PDE1A: variants seen among roughly 807,000 people sequenced by gnomAD.
The protein encoded by PDE1A is dual specificity calcium/calmodulin-dependent 3',5'-cyclic nucleotide phosphodiesterase 1A.
PDE1A carries 35 observed loss-of-function variants against 61.7 expected under a neutral mutation model. The observed-to-expected ratio is 0.57, with a 90% CI of 0.43 to 0.75. The LOEUF is 0.75. Among genes scored for constraint, PDE1A ranks in the 30% least tolerant of loss-of-function variants. The probability of loss-of-function intolerance (pLI) is 0.00; values close to 1 mark genes in which losing one functional copy is unlikely to be tolerated. For synonymous variants in PDE1A, 232 were observed against 213.2 expected, an observed-to-expected ratio of 1.09 and a Z score of -0.77; for missense variants, 597 against 630.6, an observed-to-expected ratio of 0.95 and a Z score of 0.57.
the PDE1A span, among the ~76,000 whole-genome samples, chr2:182,555,024 T>C: frequency 6.6e-6 from 1 of 152,200 alleles, no homozygotes; most frequent in Non-Finnish European, 1.5e-5. Context: ...GTCAGTAATA[T>C]CTGTCTCATA....
chr2:182,422,686 A>C (rs1703356524), intron 1 of PDE1A, among the ~76,000 whole-genome samples: 1 of 152,166 alleles, frequency 6.6e-6, no homozygotes, highest in African/African-American at 2.4e-5. Context: ...TTAATATTAA[A>C]ACACAAATTA....
chr2:182,597,889 A>G, the PDE1A span, among the ~76,000 whole-genome samples: 2 of 152,222 alleles, frequency 1.3e-5, no homozygotes, highest in Non-Finnish European at 2.9e-5. Context: ...ACTTCTCAAA[A>G]GGCACTGAGG....
At chr2:182,222,041 AAT>A (rs1051453190) in intron 7 of PDE1A, among the ~76,000 whole-genome samples, 4 of 151,842 alleles carry the variant, frequency 2.6e-5, no homozygotes, top group Non-Finnish European at 4.4e-5. Context: ...AGTTGTTAAA[AAT>A]ATATATATAT....
At chr2:182,500,445 A>T (rs1182795568) in intron 2 of PDE1A, among the ~76,000 whole-genome samples, 3 of 147,714 alleles carry the variant, frequency 2.0e-5, no homozygotes, top group African/African-American at 5.0e-5. Flanking sequence ...ATTATTATTT[A>T]AAAATAAGGA....
chr2:182,632,348 C>T, the PDE1A span, among the ~76,000 whole-genome samples: 1 of 152,102 alleles, frequency 6.6e-6, no homozygotes, highest in African/African-American at 2.4e-5. Flanking sequence ...TACAATCGTT[C>T]TATGTAAGAT....
At chr2:182,428,038 C>T (rs940888766), upstream of PDE1A, among the ~76,000 whole-genome samples, 10 of 152,188 alleles carry the variant, frequency 6.6e-5, no homozygotes, top group Middle Eastern at 6.8e-3. Context: ...TTTTATTTTC[C>T]TCCCTGAGGA....
chr2:182,350,842 C>G (rs1378412482), intron 1 of PDE1A, among the ~76,000 whole-genome samples: 1 of 152,168 alleles, frequency 6.6e-6, no homozygotes, highest in Non-Finnish European at 1.5e-5. Flanking sequence ...ACCCTAGCTA[C>G]TACCAATATC....
the PDE1A span, among the ~76,000 whole-genome samples, chr2:182,689,055 G>A: frequency 2.0e-5 from 3 of 152,186 alleles, no homozygotes; most frequent in African/African-American, 7.2e-5. Context: ...ACAAAGAGAC[G>A]TAGACTCCCA....
intron 1 of PDE1A, among the ~76,000 whole-genome samples, chr2:182,416,874 G>A (rs887493759): frequency 1.3e-5 from 2 of 152,178 alleles, no homozygotes; most frequent in Non-Finnish European, 2.9e-5. Context: ...GGAAATTAGT[G>A]TGACTGGAAG....
chr2:182,701,218 G>A, the PDE1A span, among the ~76,000 whole-genome samples: 1 of 150,676 alleles, frequency 6.6e-6, no homozygotes, highest in African/African-American at 2.4e-5. Context: ...TGTATTTTTA[G>A]TAAAGACGGG....
At chr2:182,522,582 C>T in intron 1 of PDE1A, 2 of 1,373,950 alleles carry the variant, frequency 1.5e-6, no homozygotes, top group Admixed American at 5.8e-5. Flanking sequence ...CTCACCACCC[C>T]CCTAAGCAGA....
At chr2:182,360,838 T>C (rs1216698653) in intron 1 of PDE1A, among the ~76,000 whole-genome samples, 1 of 152,010 alleles carries the variant, frequency 6.6e-6, no homozygotes. Flanking sequence ...TGACAAGTTT[T>C]AAAATATTAC....
intron 1 of PDE1A, 143 bp from the exon 2 acceptor site, chr2:182,264,557 T>C (rs1297485566): frequency 2.4e-5 from 14 of 583,150 alleles, no homozygotes; most frequent in Non-Finnish European, 4.2e-5. Context: ...TTTCAGATTT[T>C]TTTTTGATAT....
At chr2:182,501,210 A>T (rs571721672) in intron 2 of PDE1A, among the ~76,000 whole-genome samples, 2 of 152,320 alleles carry the variant, frequency 1.3e-5, no homozygotes, top group African/African-American at 4.8e-5. Context: ...TCTGGTTAAT[A>T]ACATATTTCA....
intron 1 of PDE1A, among the ~76,000 whole-genome samples, chr2:182,300,255 A>G (rs1296950548): frequency 6.6e-6 from 1 of 152,238 alleles, no homozygotes; most frequent in East Asian, 1.9e-4. Flanking sequence ...CTGAGAAAAT[A>G]TAAATAAGCT....
intron 13 of PDE1A, among the ~76,000 whole-genome samples, chr2:182,179,413 T>A (rs1369990027): frequency 6.6e-6 from 1 of 152,200 alleles, no homozygotes; most frequent in Non-Finnish European, 1.5e-5. Context: ...GTTCCATTTA[T>A]ATTGTTTTAA....
At chr2:182,703,723 CA>C in the PDE1A span, among the ~76,000 whole-genome samples, 1 of 152,128 alleles carries the variant, frequency 6.6e-6, no homozygotes, top group South Asian at 2.1e-4. Flanking sequence ...TAGGTCTCCT[CA>C]TCCATGAAAT....
intron 1 of PDE1A, among the ~76,000 whole-genome samples, chr2:182,418,438 C>A (rs1194045248): frequency 1.3e-5 from 2 of 152,102 alleles, no homozygotes; most frequent in Non-Finnish European, 2.9e-5. Flanking sequence ...CCATGTTTGA[C>A]CCTTGGGTCA....
intron 8 of PDE1A, among the ~76,000 whole-genome samples, chr2:182,205,575 A>G (rs547362290): frequency 6.6e-6 from 1 of 152,242 alleles, no homozygotes; most frequent in Non-Finnish European, 1.5e-5. Flanking sequence ...AAAAAAATAT[A>G]TGAAAGAATG....
Sources: allele counts gnomAD v4.1 joint callset (sites outside exome capture counted in the v4.1 genomes callset), GRCh38; gene constraint gnomAD v4.1.1; transcripts MANE v1.5; gene names NCBI Gene and HGNC (gene_info 2026-07-23, HGNC 2026-07-21).